JMJD1C: variants seen among roughly 807,000 people sequenced by gnomAD.
JMJD1C encodes the protein jumonji domain-containing protein 1C.
In JMJD1C, 31 loss-of-function variants were observed where a neutral mutation model predicts 245.3. The ratio of observed to expected loss-of-function variants is 0.13; its 90% CI spans 0.09 to 0.17. The LOEUF (loss-of-function observed/expected upper bound fraction) is 0.17, where lower values mean the gene tolerates loss of function less well. JMJD1C is among the 10% of genes least tolerant of loss of function. JMJD1C has a pLI of 1.00. For synonymous variants in JMJD1C, 1,057 were observed against 1,017.4 expected (o/e 1.04, Z -0.74); for missense variants, 2,691 against 3,000.2 (o/e 0.90, Z 2.41).
chr10:63,447,119 T>C (rs1284086673), intron 1 of JMJD1C, among the ~76,000 whole-genome samples: 1 of 151,856 alleles, frequency 6.6e-6, no homozygotes, highest in East Asian at 1.9e-4. Flanking sequence ...AAATTCATCT[T>C]CTCAAGAGAC....
intron 2 of JMJD1C, among the ~76,000 whole-genome samples, chr10:63,352,939 G>C (rs910339706): frequency 1.3e-5 from 2 of 152,046 alleles, no homozygotes; most frequent in African/African-American, 4.8e-5. Flanking sequence ...AATGCTATTC[G>C]GAGTTCCACT....
intron 24 of JMJD1C, among the ~76,000 whole-genome samples, chr10:63,176,029 G>A (rs1319262779): frequency 6.6e-6 from 1 of 152,072 alleles, no homozygotes; most frequent in Non-Finnish European, 1.5e-5. Flanking sequence ...CATGTCACCA[G>A]GAGGGCTTAA....
intron 2 of JMJD1C, among the ~76,000 whole-genome samples, chr10:63,321,669 T>C (rs1589472023): frequency 6.6e-6 from 1 of 152,204 alleles, no homozygotes; most frequent in Non-Finnish European, 1.5e-5. Context: ...AGTTCATTTT[T>C]TAAATCCACT....
intron 12 of JMJD1C, 123 bp downstream of exon 12, chr10:63,198,390 G>A: frequency 1.5e-6 from 1 of 651,880 alleles, no homozygotes. Context: ...CTGTAAAAAG[G>A]TATCATTATC....
chr10:63,382,597 A>T (rs1947302460), intron 1 of JMJD1C, among the ~76,000 whole-genome samples: 1 of 152,218 alleles, frequency 6.6e-6, no homozygotes, highest in African/African-American at 2.4e-5. Flanking sequence ...CATACACAAC[A>T]GTAAAAAATC....
chr10:63,351,523 C>G (rs1315979929), intron 2 of JMJD1C, among the ~76,000 whole-genome samples: 1 of 152,008 alleles, frequency 6.6e-6, no homozygotes, highest in Admixed American at 6.6e-5. Flanking sequence ...AAAACTGGGT[C>G]GTATGAAAAA....
In JMJD1C at chr10:63,465,557, TTCGCCAGCC is replaced by T. The variant is rs1405820119; in HGVS notation, c.97_105del (p.Gly33_Arg35del). The stretch of plus-strand genomic sequence containing the variant: ...GCTCGGATGACCCCCGCTCGCCAGC[TTCGCCAGCC>T]GCGTCCGCTCTCCCAGCGCTCCGAA... On this transcript the variant is annotated inframe_deletion, in exon 1 of 26. Transcript: ENST00000399262. The T allele has an allele frequency of 5.0e-6, 8 of 1,603,676 alleles. No individual in the cohort carries two copies. The highest frequency in any genetic ancestry group is 2.7e-5 in the African/African-American group (2 of 74,888).
intron 1 of JMJD1C, among the ~76,000 whole-genome samples, chr10:63,429,129 CACAACCA>C (rs1950606037): frequency 2.0e-5 from 3 of 152,094 alleles, no homozygotes; most frequent in Non-Finnish European, 4.4e-5. Context: ...TACAAACATG[CACAACCA>C]CACCTGCCTA....
intron 1 of JMJD1C, among the ~76,000 whole-genome samples, chr10:63,452,173 A>C (rs1388828820): frequency 1.3e-5 from 2 of 152,216 alleles, no homozygotes; most frequent in African/African-American, 4.8e-5. Context: ...AGAATAGAGA[A>C]TATATCTCTA....
intron 1 of JMJD1C, among the ~76,000 whole-genome samples, chr10:63,435,551 A>C (rs952474598): frequency 1.4e-4 from 21 of 152,182 alleles, no homozygotes; most frequent in Non-Finnish European, 1.5e-4. Context: ...AGAATATTCT[A>C]CCGGCTCACA....
chr10:63,263,399 A>G (rs374397293), intron 3 of JMJD1C, among the ~76,000 whole-genome samples: 2 of 152,216 alleles, frequency 1.3e-5, no homozygotes, highest in East Asian at 1.9e-4. Context: ...TCCATGCACA[A>G]CAAATAACTG....
At chr10:63,493,454 G>C (rs921947934) in intron 1 of JMJD1C, among the ~76,000 whole-genome samples, 3 of 151,516 alleles carry the variant, frequency 2.0e-5, no homozygotes, top group African/African-American at 7.3e-5. Flanking sequence ...GCTAATTTTT[G>C]TATTTTTAAT....
At chr10:63,282,706 C>T (rs751939791) in intron 2 of JMJD1C, among the ~76,000 whole-genome samples, 5 of 152,210 alleles carry the variant, frequency 3.3e-5, no homozygotes, top group Non-Finnish European at 5.9e-5. Context: ...AAAGACCTTC[C>T]CCACTAAAAC....
At chr10:63,497,899 C>G (rs1954412411) in intron 1 of JMJD1C, among the ~76,000 whole-genome samples, 1 of 152,072 alleles carries the variant, frequency 6.6e-6, no homozygotes, top group Non-Finnish European at 1.5e-5. Context: ...CAAACATAAC[C>G]TTCAGATGAG....
chr10:63,377,713 C>T (rs1416594880), intron 2 of JMJD1C, among the ~76,000 whole-genome samples: 8 of 151,394 alleles, frequency 5.3e-5, no homozygotes, highest in Admixed American at 4.6e-4. Context: ...CCAGCCTGGG[C>T]GACAGAGCAA....
chr10:63,437,213 C>T (rs544543206), intron 1 of JMJD1C, among the ~76,000 whole-genome samples: 1 of 152,248 alleles, frequency 6.6e-6, no homozygotes, highest in African/African-American at 2.4e-5. Flanking sequence ...TTAACGATGT[C>T]AGTTAAAAAA....
At position 63,205,113 on chromosome 10, in the gene JMJD1C, T is replaced by C. The variant is rs944593630; in HGVS notation, c.5074+1482A>G. ...AACACTTTATAGTGAATATTACTGT[T>C]AAGTATCTCTTATTTTGTCCAGCTG... On this transcript the variant is annotated intron_variant, in intron 10 of 25. Coordinates refer to ENST00000399262, the MANE Select transcript of JMJD1C (RefSeq NM_032776.3). 10 of 713,568 alleles carry C rather than the reference T, an allele frequency of 1.4e-5. No individual in the cohort carries two copies. In the African/African-American group the frequency reaches 1.9e-4, roughly 14 times the overall value. The allele number at this position is 713,568 out of a possible 1,614,324, so 44.2% of individuals were successfully genotyped here.
intron 2 of JMJD1C, among the ~76,000 whole-genome samples, chr10:63,361,742 A>AG (rs1223252145): frequency 0.02 from 2,981 of 146,012 alleles, 100 homozygotes; most frequent in East Asian, 0.19. Flanking sequence ...AAAAAAAAAA[A>AG]AAAAAGAAAA....
chr10:63,486,137 TAAAAAAAA>T (rs1166721473), intron 1 of JMJD1C, among the ~76,000 whole-genome samples: 9,947 of 72,532 alleles, frequency 0.14, 209 homozygotes, highest in East Asian at 0.29. Flanking sequence ...CAAGCAATTG[TAAAAAAAA>T]AAAAAAAAAA....
Sources: allele counts gnomAD v4.1 joint callset (sites outside exome capture counted in the v4.1 genomes callset), GRCh38; gene constraint gnomAD v4.1.1; transcripts MANE v1.5; gene names NCBI Gene and HGNC (gene_info 2026-07-23, HGNC 2026-07-21).